RAP1GAP2: variants seen among roughly 807,000 people sequenced by gnomAD.
RAP1GAP2 encodes RAP1 GTPase activating protein 2.
A neutral mutation model predicts 95.0 loss-of-function variants in RAP1GAP2; 27 were observed. The ratio of observed to expected loss-of-function variants is 0.28; its 90% CI spans 0.21 to 0.39. The LOEUF is 0.39. Ranked by LOEUF, RAP1GAP2 falls within the 10% of genes least tolerant of loss-of-function variation. The probability of loss-of-function intolerance (pLI) is 1.00; values close to 1 mark genes in which losing one functional copy is unlikely to be tolerated. For synonymous variants in RAP1GAP2, 373 were observed against 380.9 expected (o/e 0.98, Z 0.24); for missense variants, 771 against 970.0 (o/e 0.79, Z 2.72).
At chr17:2,859,510 A>G (rs2072285315) in intron 2 of RAP1GAP2, among the ~76,000 whole-genome samples, 1 of 152,112 alleles carries the variant, frequency 6.6e-6, no homozygotes, top group South Asian at 2.1e-4. Flanking sequence ...ATCTTGGCTT[A>G]CTGCAACTTC....
At chr17:2,821,561 A>G (rs1201290632) in intron 2 of RAP1GAP2, among the ~76,000 whole-genome samples, 1 of 150,878 alleles carries the variant, frequency 6.6e-6, no homozygotes, top group African/African-American at 2.4e-5. Context: ...TTTTGTAGAG[A>G]TGAAGTTTTG....
chr17:2,987,597 G>A (rs2045600823), intron 11 of RAP1GAP2, among the ~76,000 whole-genome samples: 1 of 152,108 alleles, frequency 6.6e-6, no homozygotes, highest in Admixed American at 6.6e-5. Context: ...CCGACCTCAG[G>A]TGATCCGCCT....
At chr17:2,962,605 T>C (rs2044386929) in intron 4 of RAP1GAP2, 65 bp from the exon 5 acceptor site, 1 of 1,488,222 alleles carries the variant, frequency 6.7e-7, no homozygotes, top group Non-Finnish European at 9.1e-7. Flanking sequence ...GGCCAGGTGC[T>C]CTTTATCTGG....
chr17:2,943,684 A>C (rs1418978523), intron 3 of RAP1GAP2, among the ~76,000 whole-genome samples: 1 of 151,970 alleles, frequency 6.6e-6, no homozygotes, highest in East Asian at 1.9e-4. Flanking sequence ...CAAACAAAAA[A>C]AAACAAACAA....
intron 11 of RAP1GAP2, among the ~76,000 whole-genome samples, chr17:2,989,005 G>GC (rs1467709718): frequency 6.6e-6 from 1 of 152,080 alleles, no homozygotes; most frequent in African/African-American, 2.4e-5. Context: ...GTTGCCGTGA[G>GC]CCGAGATTGC....
intron 2 of RAP1GAP2, among the ~76,000 whole-genome samples, chr17:2,837,413 G>A (rs2151561657): frequency 6.6e-6 from 1 of 152,074 alleles, no homozygotes; most frequent in South Asian, 2.1e-4. Context: ...GGAGCATCAA[G>A]GTACTGTCAG....
At position 3,005,648 on chromosome 17, in the gene RAP1GAP2, T is replaced by C. The variant is rs1460203300; in HGVS notation, c.1272+208T>C. The stretch of plus-strand genomic sequence containing the variant: ...CAGCATAGGACCACTTGTCAGGGTG[T>C]TTGACACTGGGGTTGCTTTTCTGCT... On this transcript the variant is annotated intron_variant, in intron 15 of 24. Coordinates refer to ENST00000254695, the MANE Select transcript of RAP1GAP2 (RefSeq NM_015085.5). The surrounding 1 kb of genome is among the most constrained non-coding windows in gnomAD (Gnocchi z 5.2). Among the ~76,000 whole-genome samples the C allele has an allele frequency of 6.6e-6, 1 of 152,104 alleles. No homozygotes were observed. The highest frequency in any genetic ancestry group is 1.5e-5 in the Non-Finnish European group (1 of 68,016).
chr17:2,805,381 C>T (rs188087763), intron 2 of RAP1GAP2, among the ~76,000 whole-genome samples: 2 of 152,052 alleles, frequency 1.3e-5, no homozygotes, highest in Non-Finnish European at 1.5e-5. Flanking sequence ...TTTGAGACCG[C>T]GTCTTGGTCT....
intron 19 of RAP1GAP2, 131 bp downstream of exon 19, chr17:3,020,726 A>G: frequency 1.3e-6 from 1 of 745,926 alleles, no homozygotes; most frequent in South Asian, 1.8e-5. Context: ...CTCTGCCTTC[A>G]GGCACCTGTG....
At chr17:2,821,264 A>T (rs747033508) in intron 2 of RAP1GAP2, among the ~76,000 whole-genome samples, 8 of 152,130 alleles carry the variant, frequency 5.3e-5, no homozygotes, top group Non-Finnish European at 1.2e-4. Flanking sequence ...TTATAAAAAT[A>T]GTACATGCTC....
chr17:3,009,089 C>A (rs2151616100), intron 17 of RAP1GAP2, among the ~76,000 whole-genome samples: 2 of 152,210 alleles, frequency 1.3e-5, no homozygotes, highest in Admixed American at 1.3e-4. Context: ...GGGCTACACC[C>A]ACCTCTATTA....
intron 2 of RAP1GAP2, among the ~76,000 whole-genome samples, chr17:2,875,397 G>C (rs1364371860): frequency 1.3e-5 from 2 of 152,188 alleles, no homozygotes; most frequent in Non-Finnish European, 2.9e-5. Context: ...AAAGGGGACA[G>C]GGAGTGGGGT....
Position 2,779,728 on chromosome 17 carries a change from T to C in RAP1GAP2, c.-14+2450T>C, listed in dbSNP as rs547702748. Among the ~76,000 whole-genome samples, 52 of 144,588 alleles carry C rather than the reference T, an allele frequency of 3.6e-4. 2 individuals carry two copies. In the South Asian group the frequency reaches 0.011, roughly 32 times the overall value. The allele number at this position is 144,588 out of a possible 152,430, so 94.9% of individuals were successfully genotyped here. A position where few individuals can be genotyped will look rare whatever the true frequency, so the allele number is the denominator to read the frequency against. ...AGGGTGGATGCTGGCATTTCTGGCATTGGGAGCTGGCATACGGTCATGGGC... is the reference window on the plus strand; with the variant it reads ...AGGGTGGATGCTGGCATTTCTGGCACTGGGAGCTGGCATACGGTCATGGGC... On this transcript the variant is annotated intron_variant, in intron 1 of 24. Transcript: ENST00000540393.
Position 3,035,934 on chromosome 17 carries a change from A to G in RAP1GAP2, c.*2573A>G, listed in dbSNP as rs2151689248. 6.6e-6 allele frequency: 1 copy of G among 152,330 alleles called. No individual in the cohort carries two copies. Among genetic ancestry groups the G allele is most frequent in the South Asian group, 2.1e-4 (1 of 4,828 alleles). 9.4% of individuals were successfully genotyped at this position (152,330 alleles called of 1,614,324 possible). ...GACTAGGCTCATCTAGATGGTGCTC[A>G]CGCTGGTGTTTGAGGCATTTCCACT... On this transcript the variant is annotated 3_prime_UTR_variant, in exon 25 of 25. Coordinates refer to ENST00000254695, the MANE Select transcript of RAP1GAP2 (RefSeq NM_015085.5). This position sits in a 1 kb window ranked among gnomAD's most constrained non-coding sequence, Gnocchi z 4.3.
chr17:2,979,759 C>G (rs184797362), intron 8 of RAP1GAP2, among the ~76,000 whole-genome samples: 2 of 152,162 alleles, frequency 1.3e-5, no homozygotes, highest in African/African-American at 4.8e-5. Flanking sequence ...GCCACTGCCC[C>G]CAGCCAGGTG....
chr17:2,982,901 AG>A (rs1284147368), intron 10 of RAP1GAP2, among the ~76,000 whole-genome samples: 2 of 152,208 alleles, frequency 1.3e-5, no homozygotes, highest in Non-Finnish European at 2.9e-5. Flanking sequence ...CATCTGGCTG[AG>A]ATGCACGCAT....
chr17:2,903,035 G>T lies in RAP1GAP2; in HGVS notation c.81-2249G>T, dbSNP rs1356553324. 6.6e-6 allele frequency among the ~76,000 whole-genome samples: 1 copy of T among 152,158 alleles called. No homozygotes were observed. Among genetic ancestry groups the T allele is most frequent in the Admixed American group, 6.6e-5 (1 of 15,262 alleles). ...GGACTGTGTGTTTCTGGAGAGCCAG[G>T]GCTGCTGTCCATCAAGGTGCCTGCG... On this transcript the variant is annotated intron_variant, in intron 2 of 24. Coordinates refer to ENST00000254695, the MANE Select transcript of RAP1GAP2 (RefSeq NM_015085.5). The surrounding 1 kb of genome is among the most constrained non-coding windows in gnomAD (Gnocchi z 4.1).
intron 1 of RAP1GAP2, among the ~76,000 whole-genome samples, chr17:2,762,272 C>T (rs2071269051): frequency 6.6e-6 from 1 of 151,918 alleles, no homozygotes; most frequent in South Asian, 2.1e-4. Context: ...CAGGCGTGAG[C>T]CACTGCGCCT....
intron 11 of RAP1GAP2, among the ~76,000 whole-genome samples, chr17:2,989,530 G>T (rs548538134): frequency 4.6e-5 from 7 of 152,134 alleles, no homozygotes; most frequent in African/African-American, 1.4e-4. Context: ...ACTGGGTTTT[G>T]CCATGTTGGC....
Sources: gnomAD v4.1 joint callset for allele counts (sites outside exome capture counted in the v4.1 genomes callset) on GRCh38, gnomAD v4.1.1 for gene constraint, Gnocchi (gnomAD v3.1) non-coding constraint, MANE v1.5 for transcripts, NCBI Gene and HGNC (gene_info 2026-07-23, HGNC 2026-07-21) for gene names.